The following NRCAM variants were observed in gnomAD, a reference collection of about 807,000 sequenced individuals.
NRCAM encodes the protein neuronal cell adhesion molecule.
In NRCAM, 83 loss-of-function variants were observed where a neutral mutation model predicts 156.5. That is an observed-to-expected ratio of 0.53 (90% CI 0.44 to 0.64). The LOEUF is 0.64. Ranked by LOEUF, NRCAM falls within the 30% of genes least tolerant of loss-of-function variation. The probability of loss-of-function intolerance (pLI) is 0.00; values close to 1 mark genes in which losing one functional copy is unlikely to be tolerated. For synonymous variants in NRCAM, 538 were observed against 563.9 expected (o/e 0.95, Z 0.65); for missense variants, 1,417 against 1,597.3 (o/e 0.89, Z 1.92).
chr7:108,341,256 G>T (rs1273444971), intron 2 of NRCAM, among the ~76,000 whole-genome samples: 1 of 152,222 alleles, frequency 6.6e-6, no homozygotes, highest in African/African-American at 2.4e-5. Context: ...GCAAGCGCCA[G>T]CCCAACCCAT....
chr7:108,394,586 C>T (rs1463832296), intron 2 of NRCAM, among the ~76,000 whole-genome samples: 1 of 152,072 alleles, frequency 6.6e-6, no homozygotes, highest in Non-Finnish European at 1.5e-5. Flanking sequence ...TATGATGACA[C>T]TAAATAAAAC....
chr7:108,391,367 T>A (rs1271277448), intron 2 of NRCAM, among the ~76,000 whole-genome samples: 1 of 152,084 alleles, frequency 6.6e-6, no homozygotes, highest in Non-Finnish European at 1.5e-5. Context: ...TGGTTTAAAG[T>A]CTGTTTTATC....
intron 2 of NRCAM, among the ~76,000 whole-genome samples, chr7:108,347,312 A>G (rs1487571377): frequency 6.6e-6 from 1 of 152,162 alleles, no homozygotes; most frequent in Non-Finnish European, 1.5e-5. Context: ...CTGGGATTAT[A>G]GGCGTGAGCC....
intron 1 of NRCAM, among the ~76,000 whole-genome samples, chr7:108,442,267 C>A (rs1839443205): frequency 6.6e-6 from 1 of 152,150 alleles, no homozygotes; most frequent in South Asian, 2.1e-4. Flanking sequence ...CACGAGTCAT[C>A]CATTCCAAGT....
intron 29 of NRCAM, 37 bp downstream of exon 29, chr7:108,168,240 C>T: frequency 2.0e-6 from 3 of 1,468,934 alleles, no homozygotes; most frequent in Non-Finnish European, 1.8e-6. Flanking sequence ...AAATGCATCC[C>T]CCAAATTAAA....
intron 2 of NRCAM, among the ~76,000 whole-genome samples, chr7:108,331,494 C>T (rs189550316): frequency 6.6e-6 from 1 of 152,174 alleles, no homozygotes; most frequent in East Asian, 1.9e-4. Flanking sequence ...CACCATAATG[C>T]ATGTGTGGTA....
chr7:108,321,967 C>G (rs546841258), intron 2 of NRCAM, among the ~76,000 whole-genome samples: 3 of 152,134 alleles, frequency 2.0e-5, no homozygotes, highest in Non-Finnish European at 2.9e-5. Flanking sequence ...GATTCAGGAA[C>G]AGTGAAGGAG....
At chr7:108,159,403 A>T (rs773562324) in intron 32 of NRCAM, 60 bp downstream of exon 32, 44 of 1,439,830 alleles carry the variant, frequency 3.1e-5, no homozygotes, top group Non-Finnish European at 4.1e-5. Context: ...GCTGAGTTCT[A>T]TTCTCGGGAC....
chr7:108,387,834 T>G (rs1366737976), intron 2 of NRCAM, among the ~76,000 whole-genome samples: 2 of 152,092 alleles, frequency 1.3e-5, no homozygotes, highest in African/African-American at 4.8e-5. Flanking sequence ...TTGTGATAGT[T>G]TGCTGAGAAT....
At chr7:108,251,720 T>C (rs2096361223) in intron 3 of NRCAM, among the ~76,000 whole-genome samples, 1 of 152,204 alleles carries the variant, frequency 6.6e-6, no homozygotes, top group African/African-American at 2.4e-5. Flanking sequence ...GCCATGCAAG[T>C]CTGCCCAGTC....
chr7:108,285,082 G>A (rs1340767202), intron 3 of NRCAM, among the ~76,000 whole-genome samples: 2 of 152,228 alleles, frequency 1.3e-5, no homozygotes, highest in African/African-American at 2.4e-5. Context: ...GATGGACAGT[G>A]TTCTCTTATT....
intron 1 of NRCAM, among the ~76,000 whole-genome samples, chr7:108,449,122 C>G (rs752533562): frequency 6.6e-6 from 1 of 152,192 alleles, no homozygotes; most frequent in Non-Finnish European, 1.5e-5. Flanking sequence ...GAACTTCCTA[C>G]AGTTTTAAAA....
chr7:108,258,204 C>T (rs2096757484), intron 3 of NRCAM, among the ~76,000 whole-genome samples: 1 of 152,176 alleles, frequency 6.6e-6, no homozygotes, highest in Non-Finnish European at 1.5e-5. Flanking sequence ...AAACATGCTC[C>T]AGGTTGTCCT....
intron 20 of NRCAM, 54 bp from the exon 21 acceptor site, chr7:108,184,668 G>A: frequency 1.3e-6 from 2 of 1,508,350 alleles, no homozygotes; most frequent in Non-Finnish European, 1.8e-6. Context: ...GTCAACTCAG[G>A]GGTAGCTGCC....
At chr7:108,335,115 C>T (rs2099165897) in intron 2 of NRCAM, among the ~76,000 whole-genome samples, 1 of 152,146 alleles carries the variant, frequency 6.6e-6, no homozygotes, top group Non-Finnish European at 1.5e-5. Flanking sequence ...TAACTTGCCT[C>T]AAGCCACAGA....
rs1264259616 is a variant in NRCAM, at chr7:108,353,608, AC to A, written c.-173-40878del. The stretch of plus-strand genomic sequence containing the variant: ...AGTGCAGGGATTACAGGCATGAACC[AC>A]TGCACCTGGCCTTCCATTTTCTTCT... On this transcript the variant is annotated intron_variant, in intron 2 of 32. Transcript: ENST00000379028. Among the ~76,000 whole-genome samples the A allele has an allele frequency of 1.1e-4, 16 of 152,222 alleles. 1 individual carries two copies. Among genetic ancestry groups the A allele is most frequent in the Admixed American group, 1.0e-3 (16 of 15,274 alleles).
In NRCAM at chr7:108,178,028, T is replaced by C. The variant is rs747645789; in HGVS notation, c.2936A>G (p.Asn979Ser). 6.2e-7 allele frequency: 1 copy of C among 1,613,644 alleles called. No individual in the cohort carries two copies. The highest frequency in any genetic ancestry group is 2.2e-5 in the East Asian group (1 of 44,880). The change falls in exon 26 of 33, where the codon AAT becomes AGT. Residue 979 changes from asparagine to serine, a missense_variant. This residue lies in a region of NRCAM where 1,238 missense variants were observed against 1,336.4 expected (regional missense o/e 0.93). Coordinates refer to ENST00000379028, the MANE Select transcript of NRCAM (RefSeq NM_001037132.4). Reference sequence around the variant, plus strand: ...TAAGGTGTACTCTGTCAAAATGCCATTCGGGTGGCTCGGTGGATCCCATTC... The same window carrying C: ...TAAGGTGTACTCTGTCAAAATGCCACTCGGGTGGCTCGGTGGATCCCATTC... ...TLEWDPPSHP[N>S]GILTEYTLKY...
chr7:108,245,158 G>A (rs1350354911), intron 3 of NRCAM, among the ~76,000 whole-genome samples: 3 of 151,950 alleles, frequency 2.0e-5, no homozygotes, highest in Non-Finnish European at 4.4e-5. Context: ...TAAATGTCAC[G>A]TGATATGTGA....
Position 108,184,601 on chromosome 7 carries a change from T to C in NRCAM, c.2049A>G (p.Glu683=), listed in dbSNP as rs1208125783. 3.1e-6 allele frequency: 5 copies of C among 1,612,748 alleles called. No homozygotes were observed. The highest frequency in any genetic ancestry group is 4.2e-6 in the Non-Finnish European group (5 of 1,179,886). ...CTGGCTTGTGCATTGCATCTTCATA[T>C]TCGATGATGAATTCTGGTCACGACA... The part of the protein sequence containing the change: ...NNSPITKFII[E]YEDAMHKPGL... Residue 683 remains glutamate (E), a synonymous_variant, in exon 21 of 33, where the codon GAA becomes GAG. Transcript: ENST00000379028.
Sources: gnomAD v4.1 joint callset for allele counts (sites outside exome capture counted in the v4.1 genomes callset) on GRCh38, gnomAD v4.1.1 for gene constraint, gnomAD v4.1.1 regional missense constraint, MANE v1.5 for transcripts, NCBI Gene and HGNC (gene_info 2026-07-23, HGNC 2026-07-21) for gene names.